The following PCDH9 variants were observed in gnomAD, a reference collection of about 807,000 sequenced individuals.
The protein encoded by PCDH9 is protocadherin 9.
In PCDH9, 24 loss-of-function variants were observed where a neutral mutation model predicts 70.6. That is an observed-to-expected ratio of 0.34 (90% CI 0.25 to 0.48). PCDH9 has a LOEUF of 0.48. PCDH9 is among the 20% of genes least tolerant of loss of function. PCDH9 has a pLI of 0.99. For synonymous variants in PCDH9, 562 were observed against 558.5 expected, an observed-to-expected ratio of 1.01 and a Z score of -0.09; for missense variants, 1,281 against 1,503.6, an observed-to-expected ratio of 0.85 and a Z score of 2.45.
At chr13:66,867,217 T>TTTAAGTTAAAATCCCA (rs1217093808) in intron 3 of PCDH9, among the ~76,000 whole-genome samples, 1 of 152,128 alleles carries the variant, frequency 6.6e-6, no homozygotes, top group Admixed American at 6.5e-5. Flanking sequence ...TTGGTCTTCA[T>TTTAAGTTAAAATCCCA]TTAAGTTAAA....
intron 4 of PCDH9, among the ~76,000 whole-genome samples, chr13:66,385,802 T>C (rs1160033376): frequency 1.3e-5 from 2 of 152,186 alleles, no homozygotes; most frequent in African/African-American, 4.8e-5. Flanking sequence ...AACAGCGATT[T>C]CAAATATTGC....
intron 4 of PCDH9, among the ~76,000 whole-genome samples, chr13:66,447,712 T>C (rs1163583429): frequency 6.6e-6 from 1 of 152,156 alleles, no homozygotes; most frequent in East Asian, 1.9e-4. Flanking sequence ...TTAGAAATAC[T>C]TGAACAAATA....
intron 2 of PCDH9, chr13:67,216,697 TATATATATATGG>T (rs2089612820): frequency 7.0e-6 from 1 of 142,382 alleles, no homozygotes; most frequent in Non-Finnish European, 1.5e-5. Context: ...TATATATATA[TATATATATATGG>T]ATATATATAC....
At chr13:67,122,276 C>T (rs1053476504) in intron 2 of PCDH9, among the ~76,000 whole-genome samples, 1 of 152,062 alleles carries the variant, frequency 6.6e-6, no homozygotes, top group Non-Finnish European at 1.5e-5. Context: ...TGTAATTACA[C>T]ATTGTAATTT....
intron 2 of PCDH9, among the ~76,000 whole-genome samples, chr13:67,153,059 G>T (rs146341943): frequency 1.3e-5 from 2 of 151,842 alleles, no homozygotes; most frequent in East Asian, 2.0e-4. Flanking sequence ...GGACATGCTC[G>T]CCTCTCCCTC....
chr13:66,844,310 G>A (rs1175617858), intron 3 of PCDH9, among the ~76,000 whole-genome samples: 1 of 152,050 alleles, frequency 6.6e-6, no homozygotes, highest in Non-Finnish European at 1.5e-5. Flanking sequence ...AAATTGGCCA[G>A]GCACAGTGGC....
chr13:66,864,398 A>G (rs555993185), intron 3 of PCDH9, among the ~76,000 whole-genome samples: 1 of 152,228 alleles, frequency 6.6e-6, no homozygotes, highest in East Asian at 1.9e-4. Flanking sequence ...ACAAAAGCAA[A>G]TATCAGATGT....
At chr13:66,946,339 T>G (rs1244583624) in intron 2 of PCDH9, among the ~76,000 whole-genome samples, 1 of 152,042 alleles carries the variant, frequency 6.6e-6, no homozygotes, top group African/African-American at 2.4e-5. Context: ...ACCTTCACAT[T>G]TATGAGCACA....
intron 4 of PCDH9, among the ~76,000 whole-genome samples, chr13:66,577,050 T>C (rs979836177): frequency 2.6e-5 from 4 of 151,988 alleles, no homozygotes; most frequent in African/African-American, 4.8e-5. Context: ...GAAAAAGTAA[T>C]TGACAAACTA....
At chr13:67,020,017 TAATA>T (rs2084644235) in intron 2 of PCDH9, among the ~76,000 whole-genome samples, 1 of 152,210 alleles carries the variant, frequency 6.6e-6, no homozygotes, top group Non-Finnish European at 1.5e-5. Context: ...TTGATGGACT[TAATA>T]AATTTTGTAC....
intron 2 of PCDH9, among the ~76,000 whole-genome samples, chr13:67,060,901 G>A (rs765931021): frequency 6.6e-6 from 1 of 151,946 alleles, no homozygotes; most frequent in Non-Finnish European, 1.5e-5. Flanking sequence ...ACTAGAACTC[G>A]TATGCATCAC....
At chr13:66,586,750 A>G (rs2076968597) in intron 4 of PCDH9, among the ~76,000 whole-genome samples, 1 of 152,134 alleles carries the variant, frequency 6.6e-6, no homozygotes, top group Non-Finnish European at 1.5e-5. Context: ...ACCCTACTGT[A>G]ATACTATTAT....
chr13:66,304,766 A>G lies in PCDH9; in HGVS notation c.3603T>C (p.Asn1201=). The change falls in exon 5 of 5, where the codon AAT becomes AAC. Residue 1201 remains asparagine, a synonymous_variant. Coordinates refer to ENST00000377865, the MANE Select transcript of PCDH9 (RefSeq NM_203487.3). ...GGCTGCCATTGTTGAAATGGCCTTC[A>G]TTGGAGCCATACTGCTTACGGTCAT... ...QFNDRKQYGS[N]EGHFNNGSHM... is the part of the protein sequence containing the mutation. 6.2e-7 allele frequency: 1 copy of G among 1,613,460 alleles called. No homozygotes were observed. The highest frequency in any genetic ancestry group is 2.2e-5 in the East Asian group (1 of 44,848).
chr13:66,318,436 T>G (rs1464687774), intron 4 of PCDH9, among the ~76,000 whole-genome samples: 1 of 152,160 alleles, frequency 6.6e-6, no homozygotes, highest in Non-Finnish European at 1.5e-5. Context: ...AGACAAACCA[T>G]TGTCATCACA....
chr13:66,556,652 T>C lies in PCDH9; in HGVS notation c.3340+74558A>G, dbSNP rs77156147. On this transcript the variant is annotated intron_variant, in intron 4 of 4. Transcript: ENST00000377865. ...ATGTTGTACTAGTAAATTATTTCTG[T>C]GATGTTTGCCTGAACTGCATAATTT... Among the ~76,000 whole-genome samples the C allele has an allele frequency of 1.4e-3, 216 of 152,260 alleles. 5 individuals carry two copies. The East Asian group carries it at 0.035, about 25-fold the overall frequency.
At chr13:66,372,604 G>A (rs1049238430) in intron 4 of PCDH9, among the ~76,000 whole-genome samples, 10 of 151,200 alleles carry the variant, frequency 6.6e-5, no homozygotes, top group Admixed American at 5.3e-4. Flanking sequence ...CAGAAGAACA[G>A]CATCAGAGTG....
chr13:66,503,863 AAT>A (rs1243233228), intron 4 of PCDH9, among the ~76,000 whole-genome samples: 2 of 152,150 alleles, frequency 1.3e-5, no homozygotes, highest in African/African-American at 4.8e-5. Context: ...CTGTTTCATG[AAT>A]ATATATAAGA....
rs573600589 is a variant in PCDH9, at chr13:66,681,724, C to A, written c.3139-50313G>T. Reference sequence around the variant, plus strand: ...CTTCCAAGGGTTTTTCTGCTATATGCTCTCCCAGCATTGTACTTTTCCCTT... The same window carrying A: ...CTTCCAAGGGTTTTTCTGCTATATGATCTCCCAGCATTGTACTTTTCCCTT... On this transcript the variant is annotated intron_variant, in intron 3 of 4. Transcript: ENST00000377865. Among the ~76,000 whole-genome samples, 23 of 151,980 alleles carry A rather than the reference C, an allele frequency of 1.5e-4. 1 individual carries two copies. The highest frequency in any genetic ancestry group is 3.2e-4 in the Non-Finnish European group (22 of 67,978).
chr13:66,926,374 A>G (rs1370010081), intron 2 of PCDH9, among the ~76,000 whole-genome samples: 3 of 151,952 alleles, frequency 2.0e-5, no homozygotes, highest in Non-Finnish European at 4.4e-5. Context: ...CACACACCCT[A>G]TTGATGCTCA....
Sources: allele counts gnomAD v4.1 joint callset (sites outside exome capture counted in the v4.1 genomes callset), GRCh38; gene constraint gnomAD v4.1.1; transcripts MANE v1.5; gene names NCBI Gene and HGNC (gene_info 2026-07-23, HGNC 2026-07-21).